ASTN2: variants seen among roughly 807,000 people sequenced by gnomAD.
The protein encoded by ASTN2 is astrotactin-2.
In ASTN2, 54 loss-of-function variants were observed where a neutral mutation model predicts 139.8. That is an observed-to-expected ratio of 0.39 (90% CI 0.31 to 0.48). ASTN2 has a LOEUF of 0.48. Ranked by LOEUF, ASTN2 falls within the 20% of genes least tolerant of loss-of-function variation. The pLI is 0.95. For synonymous variants in ASTN2, 756 were observed against 719.5 expected (o/e 1.05, Z -0.81); for missense variants, 1,565 against 1,725.1 (o/e 0.91, Z 1.64).
At chr9:116,713,785 A>G (rs1161818303) in intron 16 of ASTN2, among the ~76,000 whole-genome samples, 1 of 152,216 alleles carries the variant, frequency 6.6e-6, no homozygotes, top group Non-Finnish European at 1.5e-5. Flanking sequence ...TTCCATAAAG[A>G]TACCAATTTT....
rs532781922 is a variant in ASTN2 at position 117,322,758 on chromosome 9, T to C, written c.443-31245A>G. ...GGCAGGCAGGTTGGTATGAGCTTTG[T>C]TGATGTGTATGCCTGGGCCCCCAGC... is the stretch of plus-strand genomic sequence containing the variant. On this transcript the variant is annotated intron_variant, in intron 1 of 22. Coordinates refer to ENST00000313400, the MANE Select transcript of ASTN2 (RefSeq NM_001365068.1). 7.9e-5 allele frequency among the ~76,000 whole-genome samples: 12 copies of C among 152,178 alleles called. No homozygotes were observed. The East Asian group carries it at 1.7e-3, about 22-fold the overall frequency.
At chr9:117,179,042 C>G (rs957951852) in intron 3 of ASTN2, among the ~76,000 whole-genome samples, 16 of 152,254 alleles carry the variant, frequency 1.1e-4, no homozygotes, top group Admixed American at 1.0e-3. Context: ...AGATAACGTA[C>G]GTGCACACAA....
In ASTN2 at chr9:116,609,181, A is replaced by G. The variant is rs60682864; in HGVS notation, c.3355+9143T>C. Among the ~76,000 whole-genome samples, 56 of 151,788 alleles carry G rather than the reference A, an allele frequency of 3.7e-4. 1 individual carries two copies. The highest frequency in any genetic ancestry group is 1.3e-3 in the African/African-American group (55 of 41,438). ...TAAATTGACAAAATAATGTCCAAAA[A>G]TTTTCCAAATTTAATGAAACCATAA... is the stretch of plus-strand genomic sequence containing the variant. On this transcript the variant is annotated intron_variant, in intron 19 of 22. Transcript: ENST00000313400.
At chr9:116,905,866 T>TTTGG (rs1564333913) in intron 10 of ASTN2, among the ~76,000 whole-genome samples, 6 of 32,622 alleles carry the variant, frequency 1.8e-4, no homozygotes, top group Non-Finnish European at 2.5e-4. Context: ...TTTTTTTTTT[T>TTTGG]GGGGGGGGGT....
intron 19 of ASTN2, among the ~76,000 whole-genome samples, chr9:116,535,687 C>T (rs1421001072): frequency 2.6e-5 from 4 of 152,126 alleles, no homozygotes; most frequent in Non-Finnish European, 5.9e-5. Flanking sequence ...TATTAGCCTC[C>T]ACTCTCTTCG....
intron 3 of ASTN2, among the ~76,000 whole-genome samples, chr9:117,201,414 C>A (rs1174031854): frequency 6.6e-6 from 1 of 152,018 alleles, no homozygotes; most frequent in Non-Finnish European, 1.5e-5. Context: ...CTCTCTAGCT[C>A]TTTTAATTGT....
chr9:117,140,571 G>C (rs942941100), intron 4 of ASTN2, among the ~76,000 whole-genome samples: 2 of 151,408 alleles, frequency 1.3e-5, no homozygotes, highest in African/African-American at 4.9e-5. Context: ...AGGAAGAGAA[G>C]TAGGAGGAGA....
At chr9:117,159,568 G>T (rs1830502850) in intron 3 of ASTN2, among the ~76,000 whole-genome samples, 1 of 151,924 alleles carries the variant, frequency 6.6e-6, no homozygotes, top group Admixed American at 6.6e-5. Flanking sequence ...AATATTTATT[G>T]AGCATCAATT....
At chr9:116,791,004 AAAGAAAGAAAGAAAGAAAG>A (rs1830531791) in intron 13 of ASTN2, among the ~76,000 whole-genome samples, 1 of 124,260 alleles carries the variant, frequency 8.0e-6, no homozygotes, top group African/African-American at 3.0e-5. Context: ...AGAAAGAAAG[AAAGAAAGAAAGAAAGAAAG>A]AAAGAAAGAA....
intron 4 of ASTN2, among the ~76,000 whole-genome samples, chr9:117,128,965 C>T (rs1358771583): frequency 6.6e-6 from 1 of 152,162 alleles, no homozygotes; most frequent in Non-Finnish European, 1.5e-5. Context: ...GAAACTGCCC[C>T]CATGATTCAT....
Position 116,698,880 on chromosome 9 carries a change from A to G in ASTN2, c.2806+26891T>C, listed in dbSNP as rs1861026859. 6.2e-7 allele frequency: 1 copy of G among 1,614,212 alleles called. No homozygotes were observed. The highest frequency in any genetic ancestry group is 1.3e-5 in the African/African-American group (1 of 75,060). ...CAATCTTCCAGTCAGTCTCTACGTG[A>G]CCAGTCAAGGTGAAGTACTAGTCGC... On this transcript the variant is annotated intron_variant, in intron 16 of 22. Coordinates refer to ENST00000313400, the MANE Select transcript of ASTN2 (RefSeq NM_001365068.1). The surrounding 1 kb of genome is among the most constrained non-coding windows in gnomAD (Gnocchi z 4.4).
chr9:117,099,695 T>C (rs189694279), intron 4 of ASTN2, among the ~76,000 whole-genome samples: 1 of 152,214 alleles, frequency 6.6e-6, no homozygotes, highest in Non-Finnish European at 1.5e-5. Flanking sequence ...TTAAATATTT[T>C]GTCCAGGGTC....
At chr9:116,656,741 G>T (rs1858240211) in intron 16 of ASTN2, among the ~76,000 whole-genome samples, 1 of 148,444 alleles carries the variant, frequency 6.7e-6, no homozygotes, top group African/African-American at 2.5e-5. Flanking sequence ...TGGGAGGGCA[G>T]CCAGGGCTTT....
intron 2 of ASTN2, among the ~76,000 whole-genome samples, chr9:117,285,286 T>C (rs138403786): frequency 5.3e-4 from 81 of 152,132 alleles, no homozygotes; most frequent in African/African-American, 1.8e-3. Context: ...AAAAAGCTTT[T>C]TTTTTTTTTT....
chr9:116,951,792 T>C (rs1218049751), intron 10 of ASTN2, among the ~76,000 whole-genome samples: 1 of 152,156 alleles, frequency 6.6e-6, no homozygotes, highest in Non-Finnish European at 1.5e-5. Context: ...AAGTGGGAGA[T>C]GTTATTTTAC....
In ASTN2 at chr9:116,433,802, C is replaced by A. The variant is rs963407810; in HGVS notation, c.3782+6807G>T. Among the ~76,000 whole-genome samples the A allele has an allele frequency of 3.9e-5, 6 of 152,250 alleles. No homozygotes were observed. The South Asian group carries it at 1.2e-3, about 32-fold the overall frequency. On this transcript the variant is annotated intron_variant, in intron 22 of 22. Coordinates refer to ENST00000313400, the MANE Select transcript of ASTN2 (RefSeq NM_001365068.1). ...CTCAGATACTGCCACTGGTTATATA[C>A]CTTTAACACCAGGTTTGAAATGTGA...
At chr9:117,112,451 A>G (rs1387898970) in intron 4 of ASTN2, among the ~76,000 whole-genome samples, 1 of 152,170 alleles carries the variant, frequency 6.6e-6, no homozygotes, top group Non-Finnish European at 1.5e-5. Flanking sequence ...AATATAAATC[A>G]GTGAAACAGA....
At chr9:117,137,470 G>T (rs1026636350) in intron 4 of ASTN2, among the ~76,000 whole-genome samples, 1 of 152,124 alleles carries the variant, frequency 6.6e-6, no homozygotes. Flanking sequence ...ATCCTATTTG[G>T]GATTTTGGAG....
At chr9:116,745,930 C>T (rs1297394890) in intron 13 of ASTN2, among the ~76,000 whole-genome samples, 2 of 152,114 alleles carry the variant, frequency 1.3e-5, no homozygotes, top group African/African-American at 4.8e-5. Context: ...ACATGGGATT[C>T]TGGGCTAACA....
Sources: allele counts gnomAD v4.1 joint callset (sites outside exome capture counted in the v4.1 genomes callset), GRCh38; gene constraint gnomAD v4.1.1; non-coding constraint Gnocchi (gnomAD v3.1); transcripts MANE v1.5; gene names NCBI Gene and HGNC (gene_info 2026-07-23, HGNC 2026-07-21).